The following WDR7 variants were observed in gnomAD, a reference collection of about 807,000 sequenced individuals.
The protein encoded by WDR7 is WD repeat-containing protein 7.
In WDR7, 46 loss-of-function variants were observed where a neutral mutation model predicts 169.4. That is an observed-to-expected ratio of 0.27 (90% CI 0.21 to 0.35). The LOEUF (loss-of-function observed/expected upper bound fraction) is 0.35, where lower values mean the gene tolerates loss of function less well. WDR7 is among the 10% of genes least tolerant of loss of function. The pLI, the probability that WDR7 is intolerant of heterozygous loss-of-function variation, is 1.00. For missense variants in WDR7, 1,534 were observed against 1,859.3 expected (o/e 0.83, Z 3.22); for synonymous variants, 612 against 666.8 (o/e 0.92, Z 1.27).
intron 13 of WDR7, among the ~76,000 whole-genome samples, chr18:56,724,908 G>GT (rs1270465009): frequency 1.3e-5 from 2 of 151,966 alleles, no homozygotes; most frequent in East Asian, 1.9e-4. Context: ...GCGGTGTTTG[G>GT]TTTTTTGTCC....
chr18:56,728,809 C>T (rs997584205), intron 13 of WDR7, among the ~76,000 whole-genome samples: 1 of 152,186 alleles, frequency 6.6e-6, no homozygotes, highest in Admixed American at 6.5e-5. Flanking sequence ...TCTTGATGCA[C>T]ATGCTTCTGG....
At chr18:56,813,724 G>A (rs975298088) in intron 19 of WDR7, among the ~76,000 whole-genome samples, 2 of 151,998 alleles carry the variant, frequency 1.3e-5, no homozygotes, top group African/African-American at 4.8e-5. Flanking sequence ...ATACTGGTCT[G>A]TAGTTTTCTT....
intron 21 of WDR7, among the ~76,000 whole-genome samples, chr18:56,900,080 G>GTATATATA (rs772841290): frequency 0.015 from 451 of 30,166 alleles, 4 homozygotes; most frequent in African/African-American, 0.026. Context: ...GTGTGTGTGT[G>GTATATATA]TGTATATATA....
chr18:56,951,648 A>G lies in WDR7; in HGVS notation c.4065-10782A>G, dbSNP rs143742660. Among the ~76,000 whole-genome samples, 1,130 of 152,314 alleles carry G rather than the reference A, an allele frequency of 7.4e-3. 16 individuals carry two copies. Among genetic ancestry groups the G allele is most frequent in the African/African-American group, 0.024 (1,005 of 41,572 alleles). On this transcript the variant is annotated intron_variant, in intron 25 of 27. Transcript: ENST00000254442. ...AGATATATACACACGTGATGTATATATCTTAAGCTACATATATACTGTATA... is the reference window on the plus strand; with the variant it reads ...AGATATATACACACGTGATGTATATGTCTTAAGCTACATATATACTGTATA...
chr18:56,954,844 A>T (rs1290420864), intron 25 of WDR7, among the ~76,000 whole-genome samples: 1 of 152,188 alleles, frequency 6.6e-6, no homozygotes, highest in Non-Finnish European at 1.5e-5. Context: ...GAACTGAATG[A>T]AAAAACTAAT....
rs188004348 is a variant in WDR7 at position 56,839,013 on chromosome 18, C to A, written c.3304+22869C>A. Among the ~76,000 whole-genome samples, 225 of 152,128 alleles carry A rather than the reference C, an allele frequency of 1.5e-3. 1 individual carries two copies. Among genetic ancestry groups the A allele is most frequent in the African/African-American group, 4.5e-3 (185 of 41,538 alleles). ...TAGCATACATTTATTCACATAAAAACCTTAACTTATTCACCATTCTCCATA... is the reference window on the plus strand; with the variant it reads ...TAGCATACATTTATTCACATAAAAAACTTAACTTATTCACCATTCTCCATA... On this transcript the variant is annotated intron_variant, in intron 20 of 27. Coordinates refer to ENST00000254442, the MANE Select transcript of WDR7 (RefSeq NM_015285.3).
chr18:56,699,999 C>T (rs2025786840), intron 12 of WDR7: 1 of 525,116 alleles, frequency 1.9e-6, no homozygotes, highest in East Asian at 1.5e-4. Flanking sequence ...TTCCAAATTC[C>T]TACTAGAGAT....
chr18:56,809,113 A>C lies in WDR7; in HGVS notation c.3191-6918A>C, dbSNP rs142611339. Among the ~76,000 whole-genome samples, 1,417 of 152,184 alleles carry C rather than the reference A, an allele frequency of 9.3e-3. 26 individuals are homozygous for C. The highest frequency in any genetic ancestry group is 0.03 in the African/African-American group (1,258 of 41,510). On this transcript the variant is annotated intron_variant, in intron 19 of 27. Transcript: ENST00000254442. ...CATTTTCCTCCTGATGCATGATATAAAACTCATTTATTGAGAACTGTTGTT... is the reference window on the plus strand; with the variant it reads ...CATTTTCCTCCTGATGCATGATATACAACTCATTTATTGAGAACTGTTGTT...
At chr18:56,885,255 C>T (rs2046170308) in intron 21 of WDR7, among the ~76,000 whole-genome samples, 1 of 152,004 alleles carries the variant, frequency 6.6e-6, no homozygotes, top group Non-Finnish European at 1.5e-5. Flanking sequence ...ATCATACTAG[C>T]TCACCAGCAA....
At position 56,994,093 on chromosome 18, in the gene WDR7, C is replaced by T. The variant is rs553051396; in HGVS notation, c.4165-26652C>T. ...AGAGGGCAGTGTCACCATCTTGGCTCATTGCAGCCTCGACCTCCTGGGCTC... is the reference window on the plus strand; with the variant it reads ...AGAGGGCAGTGTCACCATCTTGGCTTATTGCAGCCTCGACCTCCTGGGCTC... On this transcript the variant is annotated intron_variant, in intron 26 of 27. Transcript: ENST00000254442. Among the ~76,000 whole-genome samples the T allele has an allele frequency of 3.4e-3, 513 of 149,594 alleles. 5 individuals carry two copies. Among genetic ancestry groups the T allele is most frequent in the South Asian group, 0.017 (79 of 4,752 alleles).
intron 12 of WDR7, among the ~76,000 whole-genome samples, chr18:56,700,064 A>C (rs2025788052): frequency 6.6e-6 from 1 of 152,070 alleles, no homozygotes; most frequent in Non-Finnish European, 1.5e-5. Context: ...TTTTTAATGA[A>C]CTATTTTTCT....
intron 20 of WDR7, among the ~76,000 whole-genome samples, chr18:56,828,815 C>CA (rs1470043267): frequency 6.6e-6 from 1 of 151,926 alleles, no homozygotes; most frequent in African/African-American, 2.4e-5. Context: ...TGCAGGTTAT[C>CA]AAAAAATGTG....
chr18:56,940,206 A>C (rs899533191), intron 25 of WDR7, among the ~76,000 whole-genome samples: 3 of 152,170 alleles, frequency 2.0e-5, no homozygotes, highest in African/African-American at 7.2e-5. Flanking sequence ...TTTTTAAGAC[A>C]AGTTCAATGA....
intron 14 of WDR7, among the ~76,000 whole-genome samples, chr18:56,753,787 G>A (rs1018026587): frequency 6.6e-6 from 1 of 152,076 alleles, no homozygotes; most frequent in Non-Finnish European, 1.5e-5. Context: ...TTATATGTGA[G>A]GGGCCATAGT....
At chr18:56,688,769 G>A (rs2025502420) in intron 7 of WDR7, among the ~76,000 whole-genome samples, 1 of 151,604 alleles carries the variant, frequency 6.6e-6, no homozygotes, top group Non-Finnish European at 1.5e-5. Flanking sequence ...AGTGAAAAAT[G>A]TGTCTCTTCC....
chr18:56,704,462 C>T (rs1023722705), intron 12 of WDR7, among the ~76,000 whole-genome samples: 1 of 152,008 alleles, frequency 6.6e-6, no homozygotes, highest in African/African-American at 2.4e-5. Flanking sequence ...TTGCTTGAGC[C>T]CTGGAGTTCA....
intron 21 of WDR7, among the ~76,000 whole-genome samples, chr18:56,910,215 T>C (rs1396497151): frequency 1.3e-5 from 2 of 152,320 alleles, no homozygotes; most frequent in South Asian, 4.1e-4. Flanking sequence ...ATTCATGACA[T>C]GTTTGTTTAA....
intron 19 of WDR7, among the ~76,000 whole-genome samples, chr18:56,805,455 A>T (rs935036479): frequency 6.6e-6 from 1 of 152,078 alleles, no homozygotes; most frequent in African/African-American, 2.4e-5. Flanking sequence ...TAGATTGTAG[A>T]CCTTTGATTT....
intron 20 of WDR7, among the ~76,000 whole-genome samples, chr18:56,868,942 T>A (rs1474468104): frequency 6.6e-6 from 1 of 152,166 alleles, no homozygotes; most frequent in African/African-American, 2.4e-5. Flanking sequence ...AAACTGAGAA[T>A]GTTTGCCCTA....
Sources: allele counts gnomAD v4.1 joint callset (sites outside exome capture counted in the v4.1 genomes callset), GRCh38; gene constraint gnomAD v4.1.1; transcripts MANE v1.5; gene names NCBI Gene and HGNC (gene_info 2026-07-23, HGNC 2026-07-21).